HSPA4L: variants seen among roughly 807,000 people sequenced by gnomAD.
HSPA4L encodes the protein heat shock protein family A (Hsp70) member 4 like.
HSPA4L carries 48 observed loss-of-function variants against 100.3 expected under a neutral mutation model. The observed-to-expected ratio is 0.48, with a 90% CI of 0.38 to 0.61. HSPA4L has a LOEUF of 0.61. Ranked by LOEUF, HSPA4L falls within the 20% of genes least tolerant of loss-of-function variation. HSPA4L has a pLI of 0.00. For missense variants in HSPA4L, 886 were observed against 988.6 expected (o/e 0.90, Z 1.39); for synonymous variants, 319 against 328.2 (o/e 0.97, Z 0.30).
At chr4:127,810,889 T>C (rs1226201931) in intron 11 of HSPA4L, among the ~76,000 whole-genome samples, 1 of 152,098 alleles carries the variant, frequency 6.6e-6, no homozygotes, top group Non-Finnish European at 1.5e-5. Flanking sequence ...TGTTCTCTCT[T>C]CTATAGATAA....
chr4:127,786,877 T>C (rs1412097371), intron 1 of HSPA4L, among the ~76,000 whole-genome samples: 1 of 152,152 alleles, frequency 6.6e-6, no homozygotes, highest in South Asian at 2.1e-4. Context: ...GAAAAAGTAG[T>C]GTGGAAGACA....
chr4:127,801,836 A>T lies in HSPA4L; in HGVS notation c.581A>T (p.Lys194Ile), dbSNP rs1280522032. The change falls in exon 6 of 19, where the codon AAA becomes ATA. Residue 194 changes from lysine (K) to isoleucine (I), a missense_variant. Coordinates refer to ENST00000296464, the MANE Select transcript of HSPA4L (RefSeq NM_014278.4). ...CAGGATCTTCCCCCATTAGATGAGA[A>T]ACCAAGAAATGTAGTATTTATTGAT... is the stretch of plus-strand genomic sequence containing the variant. ...YKQDLPPLDE[K>I]PRNVVFIDMG... The T allele has an allele frequency of 1.9e-6, 3 of 1,611,114 alleles. No homozygotes were observed. The highest frequency in any genetic ancestry group is 1.7e-6 in the Non-Finnish European group (2 of 1,178,124).
At chr4:127,821,398 T>A (rs1051111461) in intron 14 of HSPA4L, among the ~76,000 whole-genome samples, 8 of 152,178 alleles carry the variant, frequency 5.3e-5, no homozygotes, top group African/African-American at 1.9e-4. Context: ...TTCACAAATG[T>A]GAATGCATTG....
chr4:127,828,584 G>A (rs1734005817), intron 17 of HSPA4L, among the ~76,000 whole-genome samples: 3 of 151,294 alleles, frequency 2.0e-5, no homozygotes, highest in Admixed American at 2.0e-4. Flanking sequence ...ACAAAATTGA[G>A]AAGAATTACT....
At chr4:127,803,933 T>G in intron 7 of HSPA4L, 60 bp downstream of exon 7, 1 of 1,606,736 alleles carries the variant, frequency 6.2e-7, no homozygotes, top group Middle Eastern at 1.7e-4. Flanking sequence ...TTAGATCACG[T>G]CTGATTTGTT....
chr4:127,827,444 AATTGG>A lies in HSPA4L; in HGVS notation c.2166+21_2166+25del, dbSNP rs1189584776. ...AACAAGGTATTGAATTCATAAAGCC[AATTGG>A]TGACGATGGCATGTGCATGGTACAT... On this transcript the variant is annotated intron_variant, in intron 17 of 18. Coordinates refer to ENST00000296464, the MANE Select transcript of HSPA4L (RefSeq NM_014278.4). The A allele has an allele frequency of 3.7e-6, 6 of 1,613,194 alleles. No homozygotes were observed. Among genetic ancestry groups the A allele is most frequent in the Non-Finnish European group, 4.2e-6 (5 of 1,179,446 alleles).
intron 1 of HSPA4L, among the ~76,000 whole-genome samples, chr4:127,790,928 G>A (rs1471121758): frequency 6.6e-6 from 1 of 152,084 alleles, no homozygotes; most frequent in African/African-American, 2.4e-5. Context: ...AGACTAGCCT[G>A]GGCAACATGG....
In HSPA4L at chr4:127,835,689, C is replaced by CAA. The variant is rs1459297317; in HGVS notation, c.*2816_*2817dup. 4 of 149,034 alleles carry CAA rather than the reference C, an allele frequency of 2.7e-5. No homozygotes were observed. The East Asian group carries it at 8.3e-4, about 31-fold the overall frequency. 9.2% of individuals were successfully genotyped at this position (149,034 alleles called of 1,614,324 possible). ...CTGCACTCCAGCCTGGGCAACAGAA[C>CAA]AAGACTCCGTCTCAAAAAAAAAACA... On this transcript the variant is annotated 3_prime_UTR_variant, in exon 19 of 19. Coordinates refer to ENST00000296464, the MANE Select transcript of HSPA4L (RefSeq NM_014278.4).
chr4:127,825,189 C>T (rs77596353), intron 16 of HSPA4L, among the ~76,000 whole-genome samples: 6,201 of 151,652 alleles, frequency 0.041, 397 homozygotes, highest in African/African-American at 0.14. Context: ...AATTTTCAGT[C>T]ATTCCTTCTT....
chr4:127,818,248 C>A, intron 12 of HSPA4L, 77 bp from the exon 13 acceptor site: 1 of 939,884 alleles, frequency 1.1e-6, no homozygotes, highest in Non-Finnish European at 1.7e-6. Flanking sequence ...CAGGCTTGAA[C>A]TCTTAAGATG....
Position 127,840,287 on chromosome 4 carries a change from C to CTT in HSPA4L, c.*7416_*7417dup, listed in dbSNP as rs1366828716. On this transcript the variant is annotated 3_prime_UTR_variant, in exon 19 of 19. Coordinates refer to ENST00000296464, the MANE Select transcript of HSPA4L (RefSeq NM_014278.4). ...TGACTCTAGTCATTATGGAAAATAA[C>CTT]TTTTGGCAGTTTAGTTCCTAATGTT... is the stretch of plus-strand genomic sequence containing the variant. The CTT allele has an allele frequency of 1.1e-5, 1 of 88,654 alleles. No individual in the cohort carries two copies. The highest frequency in any genetic ancestry group is 2.2e-5 in the Non-Finnish European group (1 of 46,264). 5.5% of individuals were successfully genotyped at this position (88,654 alleles called of 1,614,324 possible). A position where few individuals can be genotyped will look rare whatever the true frequency, so the allele number is the denominator to read the frequency against.
Position 127,827,348 on chromosome 4 carries a change from A to C in HSPA4L, c.2090A>C (p.Glu697Ala). The C allele has an allele frequency of 1.2e-6, 2 of 1,613,742 alleles. No individual in the cohort carries two copies. The highest frequency in any genetic ancestry group is 1.1e-5 in the South Asian group (1 of 91,060). ...PIQMKYMEHE[E>A]RPKALNDLGK... ...CAAATGAAGTACATGGAGCATGAAG[A>C]GAGACCAAAAGCCTTAAATGACTTG... The change falls in exon 17 of 19, where the codon GAG becomes GCG. Residue 697 changes from glutamate (E) to alanine (A), a missense_variant. Glu to Ala is a moderately radical substitution (Grantham distance 107, BLOSUM62 -1). Coordinates refer to ENST00000296464, the MANE Select transcript of HSPA4L (RefSeq NM_014278.4).
At chr4:127,791,270 T>A (rs1376162069) in intron 1 of HSPA4L, among the ~76,000 whole-genome samples, 1 of 152,242 alleles carries the variant, frequency 6.6e-6, no homozygotes, top group Non-Finnish European at 1.5e-5. Context: ...GGAGCACAGA[T>A]GTCCAACCAT....
chr4:127,801,051 G>C, intron 4 of HSPA4L, 87 bp from the exon 5 acceptor site: 3 of 921,956 alleles, frequency 3.3e-6, no homozygotes, highest in Non-Finnish European at 4.9e-6. Context: ...GCCTTAAACT[G>C]TACATAAGTT....
intron 17 of HSPA4L, among the ~76,000 whole-genome samples, chr4:127,829,735 T>C (rs1734032964): frequency 1.3e-5 from 2 of 151,718 alleles, no homozygotes; most frequent in African/African-American, 4.8e-5. Context: ...AAGTTGGATA[T>C]AGAGTTGAGA....
intron 14 of HSPA4L, 80 bp from the exon 15 acceptor site, chr4:127,822,689 T>C: frequency 7.5e-7 from 1 of 1,335,162 alleles, no homozygotes. Flanking sequence ...CTAGTGAGTG[T>C]GAAGTGGTAT....
In HSPA4L at chr4:127,782,367, C is replaced by T. The variant is rs1386451036; in HGVS notation, c.-184C>T. On this transcript the variant is annotated 5_prime_UTR_variant, in exon 1 of 19. Coordinates refer to ENST00000296464, the MANE Select transcript of HSPA4L (RefSeq NM_014278.4). ...GCGGGACGCGGTGCAGGCTGCGGCG[C>T]TGACGGCCTCTGCTCCTTCCGCGGG... The T allele has an allele frequency of 1.4e-5, 8 of 588,284 alleles. No homozygotes were observed. Among genetic ancestry groups the T allele is most frequent in the South Asian group, 9.9e-5 (5 of 50,692 alleles). The allele number at this position is 588,284 out of a possible 1,614,324, so 36.4% of individuals were successfully genotyped here. A position where few individuals can be genotyped will look rare whatever the true frequency, so the allele number is the denominator to read the frequency against.
intron 16 of HSPA4L, among the ~76,000 whole-genome samples, chr4:127,824,189 C>G (rs915270858): frequency 1.3e-4 from 20 of 152,192 alleles, no homozygotes; most frequent in African/African-American, 4.6e-4. Context: ...CTTTTTAAGG[C>G]TGAATAGTAT....
intron 4 of HSPA4L, among the ~76,000 whole-genome samples, chr4:127,799,162 T>C (rs1733105091): frequency 6.6e-6 from 1 of 152,182 alleles, no homozygotes; most frequent in Admixed American, 6.5e-5. Flanking sequence ...ACTGGTTCTT[T>C]ACCTACATGT....
Sources: allele counts gnomAD v4.1 joint callset (sites outside exome capture counted in the v4.1 genomes callset), GRCh38; gene constraint gnomAD v4.1.1; transcripts MANE v1.5; gene names NCBI Gene and HGNC (gene_info 2026-07-23, HGNC 2026-07-21).